Variants in ZNF471 observed in about 807,000 individuals in gnomAD.
ZNF471 encodes zinc finger protein 471.
Under a neutral mutation model 13.7 loss-of-function variants are expected in ZNF471, and 7 were observed. The ratio of observed to expected loss-of-function variants is 0.51; its 90% CI spans 0.29 to 0.96. The LOEUF (loss-of-function observed/expected upper bound fraction) is 0.96, where lower values mean the gene tolerates loss of function less well. ZNF471 is among the 40% of genes least tolerant of loss of function. The pLI is 0.08. For synonymous variants in ZNF471, 218 were observed against 235.6 expected (o/e 0.93, Z 0.68); for missense variants, 663 against 743.3 (o/e 0.89, Z 1.26).
intron 3 of ZNF471, among the ~76,000 whole-genome samples, chr19:56,517,787 A>G (rs1270906345): frequency 6.6e-5 from 10 of 152,200 alleles, no homozygotes; most frequent in African/African-American, 2.4e-4. Context: ...CCCTGACTCT[A>G]TCCTTACCCT....
rs1364707123 is a variant in ZNF471, at chr19:56,516,708, A to G, written c.160+307A>G. The stretch of plus-strand genomic sequence containing the variant: ...TTACTATCACCACTAGACAACAACA[A>G]GGTTCACAAAGAATATATAGCTAGA... On this transcript the variant is annotated intron_variant, in intron 3 of 4. Transcript: ENST00000308031. The surrounding 1 kb of genome is among the most constrained non-coding windows in gnomAD (Gnocchi z 4.4). 2.0e-5 allele frequency among the ~76,000 whole-genome samples: 3 copies of G among 152,238 alleles called. No individual in the cohort carries two copies. The highest frequency in any genetic ancestry group is 4.4e-5 in the Non-Finnish European group (3 of 68,044).
intron 2 of ZNF471, among the ~76,000 whole-genome samples, chr19:56,512,081 C>T (rs1267423608): frequency 6.6e-6 from 1 of 151,832 alleles, no homozygotes; most frequent in Non-Finnish European, 1.5e-5. Flanking sequence ...CTCATTCGTT[C>T]ACCTGAAAAA....
rs2043764714 is a variant in ZNF471, at chr19:56,508,451, C to T, written c.-56+531C>T. Among the ~76,000 whole-genome samples the T allele has an allele frequency of 1.3e-5, 2 of 150,908 alleles. No individual in the cohort carries two copies. Among genetic ancestry groups the T allele is most frequent in the South Asian group, 4.2e-4 (2 of 4,758 alleles). On this transcript the variant is annotated intron_variant, in intron 1 of 4. Coordinates refer to ENST00000308031, the MANE Select transcript of ZNF471 (RefSeq NM_020813.4). The surrounding 1 kb of genome is among the most constrained non-coding windows in gnomAD (Gnocchi z 4.7). ...AGACCAGGTGTCCAGAGCGTGAGAC[C>T]AGGATGTATTCGTGTGAGAGAGTGA...
chr19:56,511,478 C>A, intron 1 of ZNF471, 39 bp from the exon 2 acceptor site: 1 of 1,496,416 alleles, frequency 6.7e-7, no homozygotes, highest in Non-Finnish European at 9.2e-7. Context: ...AGTGCAGCAT[C>A]TCTGGCCTCA....
Position 56,510,726 on chromosome 19 carries a change from T to C in ZNF471, c.-55-791T>C. The C allele has an allele frequency of 2.0e-6, 2 of 985,428 alleles. No individual in the cohort carries two copies. The highest frequency in any genetic ancestry group is 2.4e-6 in the Non-Finnish European group (2 of 829,948). The allele number at this position is 985,428 out of a possible 1,614,324, so 61.0% of individuals were successfully genotyped here. ...GTGTATGGAGAGACTACTTGGAAGA[T>C]TGATAGGATTGGATTCTTTATGAGT... On this transcript the variant is annotated intron_variant, in intron 1 of 4. Transcript: ENST00000308031. This position sits in a 1 kb window ranked among gnomAD's most constrained non-coding sequence, Gnocchi z 4.3.
rs2044072530 is a variant in ZNF471, at chr19:56,528,420, C to G, written c.*2472C>G. The G allele has an allele frequency of 8.4e-6, 1 of 119,538 alleles. No individual in the cohort carries two copies. The highest frequency in any genetic ancestry group is 3.1e-5 in the African/African-American group (1 of 31,870). The allele number at this position is 119,538 out of a possible 1,614,324, so 7.4% of individuals were successfully genotyped here. A position where few individuals can be genotyped will look rare whatever the true frequency, so the allele number is the denominator to read the frequency against. The stretch of plus-strand genomic sequence containing the variant: ...AACCAAAACAGTATCTTTTTTTAAG[C>G]TAAAAAAAAAGTTTTAAATGGTGTC... On this transcript the variant is annotated 3_prime_UTR_variant, in exon 5 of 5. Transcript: ENST00000308031.
In ZNF471 at chr19:56,508,319, T is replaced by G. The variant is rs959992308; in HGVS notation, c.-56+399T>G. 6.6e-6 allele frequency among the ~76,000 whole-genome samples: 1 copy of G among 150,952 alleles called. No homozygotes were observed. Among genetic ancestry groups the G allele is most frequent in the African/African-American group, 2.4e-5 (1 of 40,984 alleles). On this transcript the variant is annotated intron_variant, in intron 1 of 4. Coordinates refer to ENST00000308031, the MANE Select transcript of ZNF471 (RefSeq NM_020813.4). This position sits in a 1 kb window ranked among gnomAD's most constrained non-coding sequence, Gnocchi z 4.7. ...TGTGACAGAGCGAGACGGGCCAGTG[T>G]GAGAGACCAGTGAGTGTGAGAGAGA...
intron 1 of ZNF471, chr19:56,509,995 GAGACT>G (rs1483295214): frequency 2.0e-6 from 2 of 985,426 alleles, no homozygotes; most frequent in African/African-American, 3.5e-5. Context: ...GTAAAAGCAA[GAGACT>G]AGACTGAGAG....
At chr19:56,523,357 CTT>C (rs201870381) in intron 4 of ZNF471, among the ~76,000 whole-genome samples, 20 of 136,270 alleles carry the variant, frequency 1.5e-4, no homozygotes, top group African/African-American at 1.6e-4. Context: ...GTGAAACCCT[CTT>C]TTTTTTTTTT....
At position 56,524,303 on chromosome 19, in the gene ZNF471, C is replaced by CTT. The variant is rs142277230; in HGVS notation, c.257-14_257-13dup. 1.8e-5 allele frequency: 27 copies of CTT among 1,477,508 alleles called. No homozygotes were observed. Among genetic ancestry groups the CTT allele is most frequent in the South Asian group, 4.3e-5 (3 of 69,438 alleles). The allele number at this position is 1,477,508 out of a possible 1,614,324, so 91.5% of individuals were successfully genotyped here. Reference sequence around the variant, plus strand: ...TAGCCCATGATAAAGGGAACATTCACTTTTTTTTAATATCTTTCAGATTGG... The same window carrying CTT: ...TAGCCCATGATAAAGGGAACATTCACTTTTTTTTTTAATATCTTTCAGATTGG... On this transcript the variant is annotated intron_variant, in intron 4 of 4. Coordinates refer to ENST00000308031, the MANE Select transcript of ZNF471 (RefSeq NM_020813.4). The surrounding 1 kb of genome is among the most constrained non-coding windows in gnomAD (Gnocchi z 4.8).
chr19:56,513,203 C>T (rs759410574), intron 2 of ZNF471, among the ~76,000 whole-genome samples: 17 of 152,126 alleles, frequency 1.1e-4, no homozygotes, highest in South Asian at 2.1e-4. Flanking sequence ...GAATAATGTT[C>T]CATACACTAT....
At chr19:56,520,479 A>G (rs1212243273) in intron 4 of ZNF471, among the ~76,000 whole-genome samples, 1 of 152,184 alleles carries the variant, frequency 6.6e-6, no homozygotes, top group African/African-American at 2.4e-5. Context: ...AGGAAAAATT[A>G]TAGGTGATTA....
rs2044059186 is a variant in ZNF471, at chr19:56,527,219, C to G, written c.*1271C>G. On this transcript the variant is annotated 3_prime_UTR_variant, in exon 5 of 5. Coordinates refer to ENST00000308031, the MANE Select transcript of ZNF471 (RefSeq NM_020813.4). Reference sequence around the variant, plus strand: ...GTCTGGAGTGGACCTCCAGCAAACTCCAGCAGACCTGCAGCCGAGGGGCCT... The same window carrying G: ...GTCTGGAGTGGACCTCCAGCAAACTGCAGCAGACCTGCAGCCGAGGGGCCT... The G allele has an allele frequency of 6.5e-6, 1 of 153,978 alleles. No homozygotes were observed. The highest frequency in any genetic ancestry group is 1.4e-5 in the Non-Finnish European group (1 of 69,418). The allele number at this position is 153,978 out of a possible 1,614,324, so 9.5% of individuals were successfully genotyped here. A position where few individuals can be genotyped will look rare whatever the true frequency, so the allele number is the denominator to read the frequency against.
intron 4 of ZNF471, among the ~76,000 whole-genome samples, chr19:56,520,487 T>C (rs1358617159): frequency 2.0e-5 from 3 of 152,190 alleles, no homozygotes; most frequent in Admixed American, 2.0e-4. Context: ...TTATAGGTGA[T>C]TAGTTCATTA....
At position 56,507,924 on chromosome 19, in the gene ZNF471, T is replaced by G; in HGVS notation, c.-56+4T>G. The G allele has an allele frequency of 1.0e-6, 1 of 985,390 alleles. No individual in the cohort carries two copies. The highest frequency in any genetic ancestry group is 1.7e-5 in the African/African-American group (1 of 57,298). 61.0% of individuals were successfully genotyped at this position (985,390 alleles called of 1,614,324 possible). On this transcript the variant is annotated splice_donor_region_variant and intron_variant, in intron 1 of 4. Coordinates refer to ENST00000308031, the MANE Select transcript of ZNF471 (RefSeq NM_020813.4). ...TGGGTGCCAGACGAGGCCGGGGGTTTGTTTTGGGTGGTTTGGGAGTCCGAG... is the reference window on the plus strand; with the variant it reads ...TGGGTGCCAGACGAGGCCGGGGGTTGGTTTTGGGTGGTTTGGGAGTCCGAG...
In ZNF471 at chr19:56,526,174, C is replaced by T; in HGVS notation, c.*226C>T. The T allele has an allele frequency of 2.1e-6, 1 of 476,700 alleles. No individual in the cohort carries two copies. The highest frequency in any genetic ancestry group is 3.6e-6 in the Non-Finnish European group (1 of 275,072). The allele number at this position is 476,700 out of a possible 1,614,324, so 29.5% of individuals were successfully genotyped here. A position where few individuals can be genotyped will look rare whatever the true frequency, so the allele number is the denominator to read the frequency against. On this transcript the variant is annotated 3_prime_UTR_variant, in exon 5 of 5. Transcript: ENST00000308031. The stretch of plus-strand genomic sequence containing the variant: ...TTTCCAGCTGAGGTACCTGGCTCAT[C>T]TCATTGGGACTGGTTAGACAGTGGG...
intron 2 of ZNF471, among the ~76,000 whole-genome samples, chr19:56,514,059 A>ATTT (rs57705988): frequency 9.4e-5 from 11 of 116,674 alleles, no homozygotes; most frequent in East Asian, 4.6e-4. Flanking sequence ...TAACTTTTTA[A>ATTT]TTTTTTTTTT....
At chr19:56,518,406 A>C (rs1467759886) in intron 3 of ZNF471, 76 bp from the exon 4 acceptor site, 1 of 1,079,014 alleles carries the variant, frequency 9.3e-7, no homozygotes, top group Non-Finnish European at 1.4e-6. Context: ...TCATTCCACC[A>C]GAATTAAGGT....
rs983396465 is a variant in ZNF471, at chr19:56,516,525, G to C, written c.160+124G>C. 15 of 839,638 alleles carry C rather than the reference G, an allele frequency of 1.8e-5. No individual in the cohort carries two copies. The Middle Eastern group carries it at 8.5e-4, about 48-fold the overall frequency. The allele number at this position is 839,638 out of a possible 1,614,324, so 52.0% of individuals were successfully genotyped here. ...TTGGGAATGGAATCTGAGAAACAGA[G>C]GATATTGAGGGACTGAAGAAAACTT... On this transcript the variant is annotated intron_variant, in intron 3 of 4. Coordinates refer to ENST00000308031, the MANE Select transcript of ZNF471 (RefSeq NM_020813.4). The surrounding 1 kb of genome is among the most constrained non-coding windows in gnomAD (Gnocchi z 4.4).
Sources: allele counts gnomAD v4.1 joint callset (sites outside exome capture counted in the v4.1 genomes callset), GRCh38; gene constraint gnomAD v4.1.1; non-coding constraint Gnocchi (gnomAD v3.1); transcripts MANE v1.5; gene names NCBI Gene and HGNC (gene_info 2026-07-23, HGNC 2026-07-21).